The following TTC29 variants were observed in gnomAD, a reference collection of about 807,000 sequenced individuals.
TTC29 encodes the protein tetratricopeptide repeat domain 29.
A neutral mutation model predicts 58.1 loss-of-function variants in TTC29; 49 were observed. The observed-to-expected ratio is 0.84, with a 90% confidence interval of 0.67 to 1.07. The LOEUF (loss-of-function observed/expected upper bound fraction) is 1.07. TTC29 is among the 50% of genes least tolerant of loss of function. The probability of loss-of-function intolerance (pLI) is 0.00; values close to 1 mark genes in which losing one functional copy is unlikely to be tolerated. For missense variants in TTC29, 582 were observed against 555.6 expected (o/e 1.05, Z -0.48); for synonymous variants, 209 against 196.8 (o/e 1.06, Z -0.52).
chr4:146,771,187 CAT>C (rs772301940), intron 11 of TTC29, among the ~76,000 whole-genome samples: 1 of 152,060 alleles, frequency 6.6e-6, no homozygotes, highest in Admixed American at 6.6e-5. Context: ...TATTAAGAAA[CAT>C]GTGGACTTTA....
Position 146,909,064 on chromosome 4 carries a change from T to C in TTC29, c.362A>G (p.Tyr121Cys). The change falls in exon 5 of 13, where the codon TAC becomes TGC. Residue 121 changes from tyrosine (Y) to cysteine (C), a missense_variant. Tyr to Cys is a radical substitution (Grantham distance 194). Coordinates refer to ENST00000325106, the MANE Select transcript of TTC29 (RefSeq NM_031956.4). ...EEQPDKLDYL[Y>C]HYLTRAEDAE... The stretch of plus-strand genomic sequence containing the variant: ...GTCCTCAGCCCTGGTCAGGTAATGG[T>C]ACAGGTAATCCAGTTTATCAGGCTG... 1 of 1,613,936 alleles carries C rather than the reference T, an allele frequency of 6.2e-7. No individual in the cohort carries two copies. Among genetic ancestry groups the C allele is most frequent in the Non-Finnish European group, 8.5e-7 (1 of 1,179,846 alleles).
At chr4:146,850,129 G>T (rs1429056264) in intron 8 of TTC29, among the ~76,000 whole-genome samples, 1 of 152,180 alleles carries the variant, frequency 6.6e-6, no homozygotes, top group Non-Finnish European at 1.5e-5. Flanking sequence ...CATTGTTATT[G>T]CTGTACCCAA....
At chr4:146,757,172 G>C (rs1746514880) in intron 11 of TTC29, among the ~76,000 whole-genome samples, 1 of 152,034 alleles carries the variant, frequency 6.6e-6, no homozygotes, top group Non-Finnish European at 1.5e-5. Context: ...CTGTCAGAGG[G>C]AAGGTCTAGG....
intron 8 of TTC29, among the ~76,000 whole-genome samples, chr4:146,850,702 C>T (rs1729461288): frequency 6.6e-6 from 1 of 152,288 alleles, no homozygotes; most frequent in Non-Finnish European, 1.5e-5. Context: ...TCCTATGTAA[C>T]ATATTACAAA....
At chr4:146,912,813 T>C (rs113444855) in intron 4 of TTC29, among the ~76,000 whole-genome samples, 2 of 152,020 alleles carry the variant, frequency 1.3e-5, no homozygotes, top group African/African-American at 4.8e-5. Flanking sequence ...AGGGTAAAGC[T>C]GGAAGGATAG....
chr4:146,854,285 C>G (rs895711058), intron 8 of TTC29, among the ~76,000 whole-genome samples: 3 of 152,164 alleles, frequency 2.0e-5, no homozygotes, highest in Non-Finnish European at 4.4e-5. Context: ...GGTGCAAAAG[C>G]ATTCACCTAT....
intron 11 of TTC29, among the ~76,000 whole-genome samples, chr4:146,774,010 G>C (rs1380584205): frequency 6.6e-6 from 1 of 151,914 alleles, no homozygotes; most frequent in Non-Finnish European, 1.5e-5. Flanking sequence ...ATTTCTTCTA[G>C]GTTTTCTAGT....
chr4:146,891,735 T>C (rs761175507), intron 6 of TTC29, among the ~76,000 whole-genome samples: 2 of 152,186 alleles, frequency 1.3e-5, no homozygotes, highest in Non-Finnish European at 2.9e-5. Context: ...GACAGAACCA[T>C]GCTGAGGCAC....
At chr4:146,780,227 C>T (rs747170275) in intron 11 of TTC29, among the ~76,000 whole-genome samples, 3 of 150,978 alleles carry the variant, frequency 2.0e-5, no homozygotes, top group South Asian at 4.2e-4. Flanking sequence ...ATCTCAGAAG[C>T]GTAAAGGATT....
chr4:146,848,513 G>A (rs1729317991), intron 8 of TTC29, among the ~76,000 whole-genome samples: 1 of 152,136 alleles, frequency 6.6e-6, no homozygotes, highest in African/African-American at 2.4e-5. Context: ...TTTATTTAGA[G>A]GTGTGATTTA....
chr4:146,941,817 G>A (rs941029007), intron 2 of TTC29, among the ~76,000 whole-genome samples: 2 of 152,144 alleles, frequency 1.3e-5, no homozygotes, highest in African/African-American at 4.8e-5. Context: ...AGACTGTAGT[G>A]GGGGAAAGGG....
chr4:146,751,528 A>G (rs1745989531), intron 11 of TTC29, among the ~76,000 whole-genome samples: 1 of 152,228 alleles, frequency 6.6e-6, no homozygotes, highest in African/African-American at 2.4e-5. Context: ...GAAAATAAAA[A>G]TCAATAACAC....
chr4:146,754,319 C>T (rs1399435896), intron 11 of TTC29, among the ~76,000 whole-genome samples: 1 of 151,896 alleles, frequency 6.6e-6, no homozygotes, highest in Non-Finnish European at 1.5e-5. Context: ...ATTTGGATAT[C>T]TTTTAAACAA....
chr4:146,765,194 T>C (rs1747214417), intron 11 of TTC29, among the ~76,000 whole-genome samples: 1 of 152,140 alleles, frequency 6.6e-6, no homozygotes, highest in South Asian at 2.1e-4. Context: ...GTTAAAAATG[T>C]AATTCTCTGC....
intron 11 of TTC29, among the ~76,000 whole-genome samples, chr4:146,753,435 C>T (rs905534402): frequency 6.6e-6 from 1 of 152,134 alleles, no homozygotes; most frequent in Admixed American, 6.5e-5. Flanking sequence ...GAAATAGGAA[C>T]ACTTTTACAC....
chr4:146,848,679 T>C (rs1432341358), intron 8 of TTC29, among the ~76,000 whole-genome samples: 4 of 152,166 alleles, frequency 2.6e-5, no homozygotes, highest in Non-Finnish European at 4.4e-5. Flanking sequence ...TACTTATCAA[T>C]ACTTAGACAT....
At position 146,874,794 on chromosome 4, in the gene TTC29, A is replaced by G; in HGVS notation, c.721T>C (p.Ser241Pro). The change falls in exon 7 of 13, where the codon TCA (serine) becomes CCA (proline). Residue 241 changes from serine to proline, a missense_variant. Physicochemically the swap from Ser to Pro is moderately conservative, Grantham distance 74 (BLOSUM62 -1). Transcript: ENST00000325106. ...ESLLRTYRLL[S>P]DKMLENKEYK... ...TCTTTATTTTCTAGCATTTTGTCTG[A>G]GAGTAATCTGTAAGTCCTCAGGAGA... is the stretch of plus-strand genomic sequence containing the variant. 6.2e-7 allele frequency: 1 copy of G among 1,612,220 alleles called. No individual in the cohort carries two copies. The highest frequency in any genetic ancestry group is 8.5e-7 in the Non-Finnish European group (1 of 1,179,324).
At chr4:146,786,439 T>C (rs146634017) in intron 11 of TTC29, among the ~76,000 whole-genome samples, 1 of 152,346 alleles carries the variant, frequency 6.6e-6, no homozygotes, top group African/African-American at 2.4e-5. Context: ...TCACTTGTTT[T>C]ATGCACACGG....
intron 6 of TTC29, among the ~76,000 whole-genome samples, chr4:146,894,053 G>A (rs1223664797): frequency 2.0e-5 from 3 of 152,142 alleles, no homozygotes; most frequent in Non-Finnish European, 4.4e-5. Context: ...AGGATGTGGA[G>A]AAATAGGAAC....
Sources: allele counts gnomAD v4.1 joint callset (sites outside exome capture counted in the v4.1 genomes callset), GRCh38; gene constraint gnomAD v4.1.1; transcripts MANE v1.5; gene names NCBI Gene and HGNC (gene_info 2026-07-23, HGNC 2026-07-21).